The following TSPOAP1 variants were observed in gnomAD, a reference collection of about 807,000 sequenced individuals.
TSPOAP1 encodes TSPO associated protein 1.
In TSPOAP1, 87 loss-of-function variants were observed where a neutral mutation model predicts 197.0. The observed-to-expected ratio is 0.44, with a 90% CI of 0.37 to 0.53. The LOEUF is 0.53. Ranked by LOEUF, TSPOAP1 falls within the 20% of genes least tolerant of loss-of-function variation. TSPOAP1 has a pLI of 0.00. For missense variants in TSPOAP1, 2,174 were observed against 2,411.3 expected (o/e 0.90, Z 2.06); for synonymous variants, 913 against 998.9 (o/e 0.91, Z 1.62).
rs1463954127 is a variant in TSPOAP1 at position 58,316,737 on chromosome 17, C to T, written c.1873-197G>A. On this transcript the variant is annotated intron_variant, in intron 14 of 31. Coordinates refer to ENST00000343736, the MANE Select transcript of TSPOAP1 (RefSeq NM_004758.4). ...CTGAGAGAGCAGGTCCTGGCAGAGC[C>T]CAGCTGCCCTGGGCAGGGGCAGTGG... 2.6e-5 allele frequency among the ~76,000 whole-genome samples: 4 copies of T among 152,232 alleles called. No individual in the cohort carries two copies. In the South Asian group the frequency reaches 8.3e-4, roughly 31 times the overall value.
intron 31 of TSPOAP1, 137 bp from the exon 32 acceptor site, chr17:58,302,584 C>T: frequency 2.2e-6 from 1 of 459,322 alleles, no homozygotes; most frequent in Non-Finnish European, 3.4e-6. Flanking sequence ...CAGGGCCTCA[C>T]CTCCCACCAC....
In TSPOAP1 at chr17:58,309,901, G is replaced by A. The variant is rs1971026374; in HGVS notation, c.3891+66C>T. The A allele has an allele frequency of 1.3e-6, 2 of 1,542,892 alleles. No homozygotes were observed. The highest frequency in any genetic ancestry group is 1.8e-6 in the Non-Finnish European group (2 of 1,142,198). On this transcript the variant is annotated intron_variant, in intron 21 of 31. Transcript: ENST00000343736. The surrounding 1 kb of genome is among the most constrained non-coding windows in gnomAD (Gnocchi z 5.0). ...CTCAGTGGTGGTCAGAGCACCTGCT[G>A]ACACACAGTGGGGAGGCCCCGGAGT...
At chr17:58,313,156 C>T (rs1971122285) in intron 16 of TSPOAP1, among the ~76,000 whole-genome samples, 1 of 151,956 alleles carries the variant, frequency 6.6e-6, no homozygotes, top group Non-Finnish European at 1.5e-5. Context: ...CATGTTTAAC[C>T]TACATATAAA....
chr17:58,313,907 C>T (rs563096883), intron 16 of TSPOAP1, among the ~76,000 whole-genome samples: 1 of 152,318 alleles, frequency 6.6e-6, no homozygotes, highest in African/African-American at 2.4e-5. Context: ...TGCATCAGTT[C>T]TCCTGAAGAC....
At position 58,327,745 on chromosome 17, in the gene TSPOAP1, TCCTCAGA is replaced by T; in HGVS notation, c.169_175del (p.Ser57ArgfsTer52). On this transcript the variant is annotated frameshift_variant, in exon 1 of 32. Coordinates refer to ENST00000343736, the MANE Select transcript of TSPOAP1 (RefSeq NM_004758.4). LOFTEE classifies it high-confidence loss of function. Reference sequence around the variant, plus strand: ...CCCGTCTCCTTTGGGCTTGGAACTCTCCTCAGACCTCAGTTCTTGAAGCTGCAGAGCT... The same window carrying T: ...CCCGTCTCCTTTGGGCTTGGAACTCTCCTCAGTTCTTGAAGCTGCAGAGCT... 1 of 1,614,206 alleles carries T rather than the reference TCCTCAGA, an allele frequency of 6.2e-7. No individual in the cohort carries two copies. Among genetic ancestry groups the T allele is most frequent in the Non-Finnish European group, 8.5e-7 (1 of 1,180,030 alleles).
Position 58,311,132 on chromosome 17 carries a change from C to G in TSPOAP1, c.3163G>C (p.Val1055Leu). The change falls in exon 19 of 32, where the codon GTG becomes CTG. Residue 1055 changes from valine (V) to leucine (L), a missense_variant. This residue lies in a region of TSPOAP1 where 1,933 missense variants were observed against 2,139.0 expected (regional missense o/e 0.90). Coordinates refer to ENST00000343736, the MANE Select transcript of TSPOAP1 (RefSeq NM_004758.4). Reference protein sequence around the residue: ...QLQLLQVCREVVVRTMSPHGE... With the variant: ...QLQLLQVCRELVVRTMSPHGE... ...TGGGGCGACATGGTGCGCACGACCA[C>G]CTCACGACACACCTGCAGCAGCTGC... 1 of 1,607,640 alleles carries G rather than the reference C, an allele frequency of 6.2e-7. No homozygotes were observed. The highest frequency in any genetic ancestry group is 1.1e-5 in the South Asian group (1 of 90,116).
chr17:58,308,666 G>A lies in TSPOAP1; in HGVS notation c.4606C>T (p.Pro1536Ser), dbSNP rs567908990. 4.3e-6 allele frequency: 7 copies of A among 1,612,174 alleles called. No homozygotes were observed. The highest frequency in any genetic ancestry group is 1.1e-5 in the South Asian group (1 of 91,036). The change falls in exon 22 of 32, where the codon CCC becomes TCC. Residue 1536 changes from proline (P) to serine (S), a missense_variant. Around this residue, in one of 5 missense-constraint regions of TSPOAP1, gnomAD observed 1,933 missense variants for 2,139.0 expected, o/e 0.90. Transcript: ENST00000343736. ...EAWGTATVGR[P>S]RGPPKANSGP... Reference sequence around the variant, plus strand: ...GAATTGGCCTTCGGAGGCCCCCTGGGCCTTCCTACAGTTGCTGTGCCCCAG... The same window carrying A: ...GAATTGGCCTTCGGAGGCCCCCTGGACCTTCCTACAGTTGCTGTGCCCCAG...
At position 58,310,063 on chromosome 17, in the gene TSPOAP1, T is replaced by C. The variant is rs962966785; in HGVS notation, c.3795A>G (p.Glu1265=). The part of the protein sequence containing the change: ...SDLSDIQEEE[E]EEEEEEEEEL... The stretch of plus-strand genomic sequence containing the variant: ...CCTCTTCCTCCTCCTCCTCCTCCTC[T>C]TCCTCTTCCTCCTGGATGTCTGACA... The change falls in exon 21 of 32, where the codon GAA becomes GAG. Residue 1265 remains glutamate, a synonymous_variant. Transcript: ENST00000343736. 3.7e-6 allele frequency: 6 copies of C among 1,613,308 alleles called. No individual in the cohort carries two copies. Among genetic ancestry groups the C allele is most frequent in the Non-Finnish European group, 5.1e-6 (6 of 1,179,962 alleles).
Position 58,322,388 on chromosome 17 carries a change from G to T in TSPOAP1, c.1342C>A (p.Arg448=). 1 of 1,606,380 alleles carries T rather than the reference G, an allele frequency of 6.2e-7. No individual in the cohort carries two copies. ...LKHMREVAQR[R]QQLEVEHEQA... is the part of the protein sequence containing the mutation. ...TCATGCTCCACCTCCAGCTGCTGCCGCCGCTGGGCCACCTCCCGCATGTGC... is the reference window on the plus strand; with the variant it reads ...TCATGCTCCACCTCCAGCTGCTGCCTCCGCTGGGCCACCTCCCGCATGTGC... The change falls in exon 10 of 32, where the codon CGG becomes AGG. Residue 448 remains arginine, a synonymous_variant. Coordinates refer to ENST00000343736, the MANE Select transcript of TSPOAP1 (RefSeq NM_004758.4). The surrounding 1 kb of genome is among the most constrained non-coding windows in gnomAD (Gnocchi z 5.0).
chr17:58,306,693 T>A (rs1970905551), intron 25 of TSPOAP1, 107 bp downstream of exon 25: 1 of 1,375,636 alleles, frequency 7.3e-7, no homozygotes, highest in Non-Finnish European at 1.0e-6. Context: ...AAGGCTCTGC[T>A]AGAGTCTGGG....
At chr17:58,321,653 C>T (rs938238983) in intron 10 of TSPOAP1, among the ~76,000 whole-genome samples, 14 of 152,130 alleles carry the variant, frequency 9.2e-5, no homozygotes, top group Admixed American at 8.5e-4. Flanking sequence ...ACTTGTCTCC[C>T]GTTCCACTGC....
At position 58,319,150 on chromosome 17, in the gene TSPOAP1, A is replaced by T. The variant is rs1971325529; in HGVS notation, c.1639T>A (p.Cys547Ser). 2 of 1,556,772 alleles carry T rather than the reference A, an allele frequency of 1.3e-6. No individual in the cohort carries two copies. The highest frequency in any genetic ancestry group is 2.4e-5 in the South Asian group (2 of 84,680). Reference protein sequence around the residue: ...SALDCGSLGDCPPPPCCCSIP... With the variant: ...SALDCGSLGDSPPPPCCCSIP... ...GAGCAGCAGCAGGGGGGTGGTGGGC[A>T]GTCTCCAAGGCTCCCACAGTCCAGG... Residue 547 changes from cysteine (C) to serine (S), a missense_variant, in exon 13 of 32, where the codon TGC (cysteine) becomes AGC (serine). Cys to Ser is a moderately radical substitution (Grantham distance 112, BLOSUM62 -1). This residue lies in a region of TSPOAP1 where 1,933 missense variants were observed against 2,139.0 expected (regional missense o/e 0.90). Coordinates refer to ENST00000343736, the MANE Select transcript of TSPOAP1 (RefSeq NM_004758.4).
rs933023849 is a variant in TSPOAP1, at chr17:58,326,379, G to A, written c.484C>T (p.Leu162=). The change falls in exon 3 of 32, where the codon CTG becomes TTG. Residue 162 remains leucine (L), a synonymous_variant. Transcript: ENST00000343736. The surrounding 1 kb of genome is among the most constrained non-coding windows in gnomAD (Gnocchi z 4.7). ...GCCAGCTCGGCGTTCTTCCTCTTCA[G>A]CCTCCGCACCTTCTCTTCTGTCTCA... is the stretch of plus-strand genomic sequence containing the variant. The part of the protein sequence containing the change: ...FPETEEKVRR[L]KRKNAELAVI... 11 of 1,613,972 alleles carry A rather than the reference G, an allele frequency of 6.8e-6. No individual in the cohort carries two copies. Among genetic ancestry groups the A allele is most frequent in the Non-Finnish European group, 9.3e-6 (11 of 1,180,024 alleles).
At chr17:58,318,757 G>C (rs892699331) in intron 13 of TSPOAP1, among the ~76,000 whole-genome samples, 1 of 152,098 alleles carries the variant, frequency 6.6e-6, no homozygotes, top group African/African-American at 2.4e-5. Context: ...GAGTGGAGCT[G>C]GGACCACCGG....
chr17:58,316,930 C>T (rs1183071781), intron 14 of TSPOAP1, among the ~76,000 whole-genome samples: 2 of 152,250 alleles, frequency 1.3e-5, no homozygotes, highest in Non-Finnish European at 2.9e-5. Context: ...GGTGCAGTGG[C>T]TCGCGCCTAT....
intron 13 of TSPOAP1, 130 bp downstream of exon 13, chr17:58,318,960 G>T: frequency 1.8e-6 from 2 of 1,087,372 alleles, no homozygotes; most frequent in Non-Finnish European, 2.5e-6. Flanking sequence ...CGTGGTTCTA[G>T]CCAGGCACAG....
In TSPOAP1 at chr17:58,309,042, G is replaced by A. The variant is rs779505651; in HGVS notation, c.4230C>T (p.Gly1410=). 9.9e-6 allele frequency: 16 copies of A among 1,612,138 alleles called. No individual in the cohort carries two copies. The South Asian group carries it at 1.8e-4, about 18-fold the overall frequency. Residue 1410 remains glycine, a synonymous_variant, in exon 22 of 32, where the codon GGC becomes GGT. Transcript: ENST00000343736. The surrounding 1 kb of genome is among the most constrained non-coding windows in gnomAD (Gnocchi z 5.0). ...TGCGGCTTGGGGGCTTCTCAGGGGAGCCCCCTCCTCTCCTCCGGCTGCTTC... is the reference window on the plus strand; with the variant it reads ...TGCGGCTTGGGGGCTTCTCAGGGGAACCCCCTCCTCTCCTCCGGCTGCTTC... ...VGGSSRRRGG[G]SPEKPPSRRR...
rs896666971 is a variant in TSPOAP1, at chr17:58,302,227, G to A, written c.*253C>T. ...GCTCAGCAGAGACAGTGATCTGGGG[G>A]CCTCTCAGGGCCTCTTCTGCCTGCA... On this transcript the variant is annotated 3_prime_UTR_variant, in exon 32 of 32. Coordinates refer to ENST00000343736, the MANE Select transcript of TSPOAP1 (RefSeq NM_004758.4). 2.3e-6 allele frequency: 3 copies of A among 1,285,710 alleles called. No homozygotes were observed. Among genetic ancestry groups the A allele is most frequent in the African/African-American group, 3.0e-5 (2 of 65,766 alleles). The allele number at this position is 1,285,710 out of a possible 1,614,324, so 79.6% of individuals were successfully genotyped here. A position where few individuals can be genotyped will look rare whatever the true frequency, so the allele number is the denominator to read the frequency against.
At chr17:58,306,251 C>T in intron 26 of TSPOAP1, 91 bp downstream of exon 26, 1 of 1,300,600 alleles carries the variant, frequency 7.7e-7, no homozygotes, top group Non-Finnish European at 1.1e-6. Flanking sequence ...CACATCCTCC[C>T]AGCACCTGAG....
Sources: gnomAD v4.1 joint callset for allele counts (sites outside exome capture counted in the v4.1 genomes callset) on GRCh38, gnomAD v4.1.1 for gene constraint, gnomAD v4.1.1 regional missense constraint, Gnocchi (gnomAD v3.1) non-coding constraint, MANE v1.5 for transcripts, NCBI Gene and HGNC (gene_info 2026-07-23, HGNC 2026-07-21) for gene names.